Variants in OR1A1 observed in about 807,000 individuals in gnomAD.
The protein encoded by OR1A1 is olfactory receptor 1A1.
For missense variants in OR1A1, 391 were observed against 379.9 expected (o/e 1.03, Z -0.24); for synonymous variants, 145 against 147.8 (o/e 0.98, Z 0.13).
rs909121578 is a variant in OR1A1 at position 3,217,728 on chromosome 17, C to A, written c.*1178C>A. The A allele has an allele frequency of 1.4e-4, 21 of 152,104 alleles. No homozygotes were observed. Among genetic ancestry groups the A allele is most frequent in the Admixed American group, 1.3e-3 (20 of 15,260 alleles). 9.4% of individuals were successfully genotyped at this position (152,104 alleles called of 1,614,324 possible). The stretch of plus-strand genomic sequence containing the variant: ...GTTGGGAAAACTGGCTAGCCATATG[C>A]AGAAAAATGAAACTGGACCCCTTTC... On this transcript the variant is annotated 3_prime_UTR_variant, in exon 4 of 4. Coordinates refer to ENST00000641732, the MANE Select transcript of OR1A1 (RefSeq NM_014565.3).
chr17:3,210,990 T>C (rs532357135), intron 2 of OR1A1, among the ~76,000 whole-genome samples: 1 of 152,188 alleles, frequency 6.6e-6, no homozygotes, highest in Non-Finnish European at 1.5e-5. Context: ...TTCCACTAAA[T>C]TTTTTGACGT....
At chr17:3,213,607 A>G (rs941474641) in intron 3 of OR1A1, 1 of 152,208 alleles carries the variant, frequency 6.6e-6, no homozygotes, top group African/African-American at 2.4e-5. Context: ...CTCCTACATA[A>G]TGGTTACAAT....
At position 3,212,664 on chromosome 17, in the gene OR1A1, C is replaced by T. The variant is rs368562029; in HGVS notation, c.-6+65C>T. 36 of 152,208 alleles carry T rather than the reference C, an allele frequency of 2.4e-4. 1 individual carries two copies. Among genetic ancestry groups the T allele is most frequent in the Middle Eastern group, 3.4e-3 (1 of 294 alleles). 9.4% of individuals were successfully genotyped at this position (152,208 alleles called of 1,614,324 possible). On this transcript the variant is annotated intron_variant, in intron 3 of 3. Coordinates refer to ENST00000641732, the MANE Select transcript of OR1A1 (RefSeq NM_014565.3). Reference sequence around the variant, plus strand: ...AGAGAGAAAATCAAACTTCTTTAGGCGCAGAGATGAGAAAGTACATCATAA... The same window carrying T: ...AGAGAGAAAATCAAACTTCTTTAGGTGCAGAGATGAGAAAGTACATCATAA...
chr17:3,217,750 T>A lies in OR1A1; in HGVS notation c.*1200T>A, dbSNP rs1252387488. The A allele has an allele frequency of 2.6e-5, 4 of 152,214 alleles. No individual in the cohort carries two copies. The highest frequency in any genetic ancestry group is 4.4e-5 in the Non-Finnish European group (3 of 68,038). The allele number at this position is 152,214 out of a possible 1,614,324, so 9.4% of individuals were successfully genotyped here. A position where few individuals can be genotyped will look rare whatever the true frequency, so the allele number is the denominator to read the frequency against. ...ATGCAGAAAAATGAAACTGGACCCCTTTCTTACATCTTATACAAAAATTAA... is the reference window on the plus strand; with the variant it reads ...ATGCAGAAAAATGAAACTGGACCCCATTCTTACATCTTATACAAAAATTAA... On this transcript the variant is annotated 3_prime_UTR_variant, in exon 4 of 4. Coordinates refer to ENST00000641732, the MANE Select transcript of OR1A1 (RefSeq NM_014565.3).
At position 3,216,465 on chromosome 17, in the gene OR1A1, T is replaced by C. The variant is rs2150597736; in HGVS notation, c.845T>C (p.Met282Thr). The change falls in exon 4 of 4, where the codon ATG (methionine) becomes ACG (threonine). Residue 282 changes from methionine to threonine, a missense_variant. Coordinates refer to ENST00000641732, the MANE Select transcript of OR1A1 (RefSeq NM_014565.3). ...ITVMYTAVTP[M>T]LNPFIYSLRN... is the part of the protein sequence containing the mutation. Reference sequence around the variant, plus strand: ...GTAATGTACACGGCAGTGACCCCAATGTTAAATCCTTTCATCTACAGTCTG... The same window carrying C: ...GTAATGTACACGGCAGTGACCCCAACGTTAAATCCTTTCATCTACAGTCTG... The C allele has an allele frequency of 6.2e-7, 1 of 1,614,124 alleles. No individual in the cohort carries two copies. The highest frequency in any genetic ancestry group is 2.2e-5 in the East Asian group (1 of 44,888).
Position 3,208,889 on chromosome 17 carries a change from C to T in OR1A1, c.-248C>T, listed in dbSNP as rs757616956. On this transcript the variant is annotated 5_prime_UTR_variant, in exon 2 of 4. Coordinates refer to ENST00000641732, the MANE Select transcript of OR1A1 (RefSeq NM_014565.3). ...ATTCTATCTCCTACCTTAAATGAAA[C>T]ATGAACTTGAGCCACCCAGCTCCAT... The T allele has an allele frequency of 6.6e-6, 1 of 152,082 alleles. No homozygotes were observed. Among genetic ancestry groups the T allele is most frequent in the Non-Finnish European group, 1.5e-5 (1 of 68,038 alleles). 9.4% of individuals were successfully genotyped at this position (152,082 alleles called of 1,614,324 possible). A position where few individuals can be genotyped will look rare whatever the true frequency, so the allele number is the denominator to read the frequency against.
At position 3,215,830 on chromosome 17, in the gene OR1A1, C is replaced by CAGAT; in HGVS notation, c.211_212insGATA (p.Ile71ArgfsTer11). The stretch of plus-strand genomic sequence containing the variant: ...TCCTTGCCAACCTCTCCTTGGTTGA[C>CAGAT]ATCTTCTTCTCATCGGTAACCATCC... On this transcript the variant is annotated frameshift_variant, in exon 4 of 4. Coordinates refer to ENST00000641732, the MANE Select transcript of OR1A1 (RefSeq NM_014565.3). LOFTEE classifies it high-confidence loss of function. 1.2e-6 allele frequency: 2 copies of CAGAT among 1,614,184 alleles called. No homozygotes were observed. Among genetic ancestry groups the CAGAT allele is most frequent in the Non-Finnish European group, 1.7e-6 (2 of 1,180,030 alleles).
rs760297275 is a variant in OR1A1 at position 3,216,072 on chromosome 17, T to C, written c.452T>C (p.Ile151Thr). The change falls in exon 4 of 4, where the codon ATT becomes ACT. Residue 151 changes from isoleucine to threonine, a missense_variant. Coordinates refer to ENST00000641732, the MANE Select transcript of OR1A1 (RefSeq NM_014565.3). Reference protein sequence around the residue: ...CIWLIAGSWVIGNANALPHTL... With the variant: ...CIWLIAGSWVTGNANALPHTL... ...TGGCTTATTGCTGGGTCTTGGGTGA[T>C]TGGAAATGCCAATGCCCTCCCCCAC... 6.2e-7 allele frequency: 1 copy of C among 1,614,106 alleles called. No individual in the cohort carries two copies. Among genetic ancestry groups the C allele is most frequent in the East Asian group, 2.2e-5 (1 of 44,882 alleles).
intron 3 of OR1A1, 103 bp from the exon 4 acceptor site, chr17:3,215,513 T>TAC (rs1309954703): frequency 3.3e-5 from 27 of 810,284 alleles, no homozygotes; most frequent in Admixed American, 1.5e-4. Context: ...CTCAGGTGTA[T>TAC]ACACAGCTGA....
rs2048474337 is a variant in OR1A1, at chr17:3,217,145, C to T, written c.*595C>T. On this transcript the variant is annotated 3_prime_UTR_variant, in exon 4 of 4. Coordinates refer to ENST00000641732, the MANE Select transcript of OR1A1 (RefSeq NM_014565.3). The stretch of plus-strand genomic sequence containing the variant: ...ATCAAACCAGACATTATTTTCTCAT[C>T]CTTTAAACCTTTCAAGAAACTCCCA... The T allele has an allele frequency of 6.6e-6, 1 of 151,974 alleles. No homozygotes were observed. The highest frequency in any genetic ancestry group is 1.5e-5 in the Non-Finnish European group (1 of 67,970). 9.4% of individuals were successfully genotyped at this position (151,974 alleles called of 1,614,324 possible).
chr17:3,214,979 C>T (rs1200299573), intron 3 of OR1A1: 1 of 152,232 alleles, frequency 6.6e-6, no homozygotes, highest in Non-Finnish European at 1.5e-5. Flanking sequence ...GCACTGGTCC[C>T]TGTGATTTAC....
chr17:3,216,417 G>C lies in OR1A1; in HGVS notation c.797G>C (p.Ser266Thr). ...TATTTCCGCCCTTTGACCAATTATAGCCTAAAAGACGCAGTGATCACTGTA... is the reference window on the plus strand; with the variant it reads ...TATTTCCGCCCTTTGACCAATTATACCCTAAAAGACGCAGTGATCACTGTA... ...GTYFRPLTNY[S>T]LKDAVITVMY... Residue 266 changes from serine (S) to threonine (T), a missense_variant, in exon 4 of 4, where the codon AGC (serine) becomes ACC (threonine). Coordinates refer to ENST00000641732, the MANE Select transcript of OR1A1 (RefSeq NM_014565.3). 1.2e-6 allele frequency: 2 copies of C among 1,614,130 alleles called. No individual in the cohort carries two copies. The highest frequency in any genetic ancestry group is 2.2e-5 in the South Asian group (2 of 91,078).
chr17:3,211,110 C>T (rs1466023278), intron 2 of OR1A1, among the ~76,000 whole-genome samples: 3 of 152,120 alleles, frequency 2.0e-5, no homozygotes, highest in Non-Finnish European at 4.4e-5. Flanking sequence ...GTCTCCTTGC[C>T]TGTTTCTAAA....
intron 2 of OR1A1, among the ~76,000 whole-genome samples, chr17:3,209,590 C>A (rs1193681651): frequency 6.6e-6 from 1 of 151,456 alleles, no homozygotes; most frequent in Non-Finnish European, 1.5e-5. Flanking sequence ...GAAATAAACA[C>A]ATCATGGAGA....
In OR1A1 at chr17:3,216,652, C is replaced by A; in HGVS notation, c.*102C>A. 1 of 882,278 alleles carries A rather than the reference C, an allele frequency of 1.1e-6. No individual in the cohort carries two copies. The highest frequency in any genetic ancestry group is 1.7e-6 in the Non-Finnish European group (1 of 582,478). 54.7% of individuals were successfully genotyped at this position (882,278 alleles called of 1,614,324 possible). A position where few individuals can be genotyped will look rare whatever the true frequency, so the allele number is the denominator to read the frequency against. Reference sequence around the variant, plus strand: ...CTACGAGAGGCAGTCTCTGATCTTTCTAGCCTGAAATTCCTAATCTCAGAA... The same window carrying A: ...CTACGAGAGGCAGTCTCTGATCTTTATAGCCTGAAATTCCTAATCTCAGAA... On this transcript the variant is annotated 3_prime_UTR_variant, in exon 4 of 4. Coordinates refer to ENST00000641732, the MANE Select transcript of OR1A1 (RefSeq NM_014565.3).
intron 1 of OR1A1, among the ~76,000 whole-genome samples, chr17:3,208,338 TGTGTGTGTGC>T (rs2048422931): frequency 1.3e-5 from 2 of 152,080 alleles, no homozygotes; most frequent in African/African-American, 4.8e-5. Flanking sequence ...AGTAATATAG[TGTGTGTGTGC>T]ATGTGTGTGT....
intron 2 of OR1A1, 27 bp downstream of exon 2, chr17:3,209,025 AT>A (rs35164354): frequency 0.25 from 37,903 of 151,814 alleles, 5,524 homozygotes; most frequent in East Asian, 0.57. Flanking sequence ...TTTCTTTTTA[AT>A]TTTTTTAAAT....
chr17:3,210,757 C>G (rs910744019), intron 2 of OR1A1, among the ~76,000 whole-genome samples: 1 of 152,124 alleles, frequency 6.6e-6, no homozygotes, highest in Non-Finnish European at 1.5e-5. Context: ...AGGCACCCAC[C>G]ACCACACCTG....
intron 3 of OR1A1, chr17:3,213,323 T>C (rs910159175): frequency 3.9e-5 from 6 of 152,222 alleles, no homozygotes; most frequent in African/African-American, 1.4e-4. Context: ...AAGACTCTTT[T>C]ACTTTCACTA....
Sources: allele counts gnomAD v4.1 joint callset (sites outside exome capture counted in the v4.1 genomes callset), GRCh38; gene constraint gnomAD v4.1.1; transcripts MANE v1.5; gene names NCBI Gene and HGNC (gene_info 2026-07-23, HGNC 2026-07-21).